TENM1: variants seen among roughly 807,000 people sequenced by gnomAD.
The protein encoded by TENM1 is teneurin-1.
A neutral mutation model predicts 174.8 loss-of-function variants in TENM1; 35 were observed. The observed-to-expected ratio is 0.20, with a 90% CI of 0.15 to 0.27. The LOEUF (loss-of-function observed/expected upper bound fraction) is 0.27, where lower values mean the gene tolerates loss of function less well. Among genes scored for constraint, TENM1 ranks in the 10% least tolerant of loss-of-function variants. The pLI, the probability that TENM1 is intolerant of heterozygous loss-of-function variation, is 1.00. For synonymous variants in TENM1, 781 were observed against 798.7 expected (o/e 0.98, Z 0.37); for missense variants, 1,633 against 2,130.1 (o/e 0.77, Z 4.59).
At chrX:124,614,408 C>T (rs747397793) in intron 11 of TENM1, among the ~76,000 whole-genome samples, 1 of 112,267 alleles carries the variant, frequency 8.9e-6, no homozygotes, top group South Asian at 3.7e-4. Context: ...TCCCAGGAAG[C>T]TCCATGCTAT....
chrX:124,940,007 T>C (rs1298694704), intron 1 of TENM1, among the ~76,000 whole-genome samples: 1 of 112,272 alleles, frequency 8.9e-6, no homozygotes, highest in East Asian at 2.8e-4. Context: ...TCTATGTTTT[T>C]CACAACTCTA....
intron 10 of TENM1, 138 bp from the exon 14 acceptor site, chrX:124,642,129 T>C (rs1288257947): frequency 2.0e-6 from 1 of 503,867 alleles, no homozygotes; most frequent in Non-Finnish European, 3.5e-6. Flanking sequence ...GGCAATAAAA[T>C]GACTCATGCA....
chrX:124,826,730 G>C, intron 3 of TENM1, among the ~76,000 whole-genome samples: 1 of 111,536 alleles, frequency 9.0e-6, no homozygotes, highest in Non-Finnish European at 1.9e-5. Context: ...CTGTACTTTT[G>C]AAATGCACTT....
At chrX:124,562,662 T>C (rs761896766) in intron 13 of TENM1, among the ~76,000 whole-genome samples, 2 of 112,701 alleles carry the variant, frequency 1.8e-5, no homozygotes, top group African/African-American at 3.2e-5. Context: ...GATGCCCTAC[T>C]CTTTGTACCC....
the TENM1 span, among the ~76,000 whole-genome samples, chrX:125,184,440 T>G: frequency 8.9e-6 from 1 of 111,913 alleles, no homozygotes; most frequent in Non-Finnish European, 1.9e-5. Context: ...TTTTTTCCTA[T>G]AGTAATCTGA....
intron 14 of TENM1, among the ~76,000 whole-genome samples, chrX:124,547,674 G>C (rs2048462467): frequency 9.0e-6 from 1 of 111,629 alleles, no homozygotes; most frequent in Non-Finnish European, 1.9e-5. Flanking sequence ...ATATTCTTGA[G>C]CTCCACCTAC....
chrX:124,592,462 G>T (rs1164738949), intron 11 of TENM1, among the ~76,000 whole-genome samples: 4 of 94,147 alleles, frequency 4.2e-5, no homozygotes, highest in Non-Finnish European at 8.2e-5. Flanking sequence ...TTGAGACAGA[G>T]TATTGCTCTG....
At chrX:125,040,465 A>T in the TENM1 span, among the ~76,000 whole-genome samples, 2 of 111,387 alleles carry the variant, frequency 1.8e-5, no homozygotes, top group African/African-American at 6.5e-5. Context: ...ATAAAATGTC[A>T]TTATATGATA....
intron 18 of TENM1, among the ~76,000 whole-genome samples, chrX:124,509,753 T>C (rs2047537079): frequency 1.0e-5 from 1 of 99,812 alleles, no homozygotes; most frequent in African/African-American, 3.6e-5. Flanking sequence ...AGAGTTTCAC[T>C]CTTGTTGCCC....
chrX:124,507,216 AG>A (rs1569535268), intron 18 of TENM1, among the ~76,000 whole-genome samples: 1 of 111,682 alleles, frequency 9.0e-6, no homozygotes, highest in African/African-American at 3.3e-5. Context: ...TACACTTCCC[AG>A]GGGTTAGCAT....
intron 3 of TENM1, among the ~76,000 whole-genome samples, chrX:124,766,180 T>C (rs934436978): frequency 2.7e-5 from 3 of 111,650 alleles, no homozygotes; most frequent in African/African-American, 9.7e-5. Flanking sequence ...ACTAAGGCCA[T>C]AGAGATTGTA....
At chrX:124,595,101 G>T (rs961810996) in intron 11 of TENM1, among the ~76,000 whole-genome samples, 10 of 112,316 alleles carry the variant, frequency 8.9e-5, no homozygotes, top group African/African-American at 3.2e-4. Context: ...CTCCCACTCT[G>T]TTGTCAATTA....
chrX:124,563,487 A>G (rs1262263335), intron 13 of TENM1, among the ~76,000 whole-genome samples: 1 of 110,006 alleles, frequency 9.1e-6, no homozygotes, highest in East Asian at 2.8e-4. Context: ...AACTCAATAT[A>G]AAGACAAGAA....
upstream of TENM1, among the ~76,000 whole-genome samples, chrX:124,963,985 A>G (rs1324866910): frequency 8.9e-6 from 1 of 112,202 alleles, no homozygotes; most frequent in African/African-American, 3.2e-5. Context: ...TCTGTGTTAC[A>G]TGCATACATT....
chrX:124,916,639 T>C (rs1011677952), intron 1 of TENM1, among the ~76,000 whole-genome samples: 9 of 111,410 alleles, frequency 8.1e-5, no homozygotes, highest in African/African-American at 2.6e-4. Flanking sequence ...TATTAAAAAG[T>C]AGGACCTTTA....
At chrX:124,973,481 A>C in the TENM1 span, among the ~76,000 whole-genome samples, 4 of 111,767 alleles carry the variant, frequency 3.6e-5, no homozygotes, top group South Asian at 1.5e-3. Flanking sequence ...CTGAATCTCT[A>C]AATTACTTTG....
At chrX:124,744,787 A>G (rs2053877205) in intron 3 of TENM1, among the ~76,000 whole-genome samples, 1 of 111,818 alleles carries the variant, frequency 8.9e-6, no homozygotes, top group Non-Finnish European at 1.9e-5. Flanking sequence ...CTAATAAGAG[A>G]TATCCTGAAC....
intron 11 of TENM1, among the ~76,000 whole-genome samples, chrX:124,588,585 T>G (rs1203806661): frequency 1.1e-4 from 12 of 110,062 alleles, no homozygotes; most frequent in African/African-American, 3.6e-4. Flanking sequence ...GAGATATACC[T>G]AATGCTAAAT....
intron 1 of TENM1, among the ~76,000 whole-genome samples, chrX:124,906,324 TA>T (rs774159209): frequency 9.0e-6 from 1 of 111,032 alleles, no homozygotes; most frequent in East Asian, 2.8e-4. Flanking sequence ...CATCATAAAG[TA>T]AAAAAAAATT....
Sources: allele counts gnomAD v4.1 joint callset (sites outside exome capture counted in the v4.1 genomes callset), GRCh38; gene constraint gnomAD v4.1.1; transcripts MANE v1.5; gene names NCBI Gene and HGNC (gene_info 2026-07-23, HGNC 2026-07-21).